FUT8: variants seen among roughly 807,000 people sequenced by gnomAD.
FUT8 encodes the protein fucosyltransferase 8, also known as alpha-(1,6)-fucosyltransferase.
In FUT8, 29 loss-of-function variants were observed where a neutral mutation model predicts 71.3. The ratio of observed to expected loss-of-function variants is 0.41; its 90% CI spans 0.30 to 0.55. FUT8 has a LOEUF of 0.55. FUT8 is among the 20% of genes least tolerant of loss of function. The probability of loss-of-function intolerance (pLI) is 0.34; values close to 1 mark genes in which losing one functional copy is unlikely to be tolerated. For missense variants in FUT8, 544 were observed against 702.1 expected, an observed-to-expected ratio of 0.77 and a Z score of 2.55; for synonymous variants, 254 against 239.3, an observed-to-expected ratio of 1.06 and a Z score of -0.57.
At chr14:65,579,557 T>C (rs528783299) in intron 3 of FUT8, among the ~76,000 whole-genome samples, 1 of 152,292 alleles carries the variant, frequency 6.6e-6, no homozygotes, top group East Asian at 1.9e-4. Context: ...GATTAGGTAA[T>C]TGCTGTATTT....
intron 2 of FUT8, among the ~76,000 whole-genome samples, chr14:65,510,467 C>G (rs1229641009): frequency 6.6e-6 from 1 of 152,042 alleles, no homozygotes; most frequent in Non-Finnish European, 1.5e-5. Context: ...AGTATTCCCC[C>G]TCCTCTATTT....
At chr14:65,437,577 T>G (rs2065580983) in intron 1 of FUT8, among the ~76,000 whole-genome samples, 1 of 152,228 alleles carries the variant, frequency 6.6e-6, no homozygotes, top group Admixed American at 6.5e-5. Flanking sequence ...GAAATGCAAT[T>G]TACTGTTTTG....
At chr14:65,649,848 C>T (rs752599933) in intron 6 of FUT8, among the ~76,000 whole-genome samples, 2 of 152,028 alleles carry the variant, frequency 1.3e-5, no homozygotes, top group South Asian at 4.1e-4. Context: ...TATTAGTTTG[C>T]CAATAAATGA....
intron 7 of FUT8, among the ~76,000 whole-genome samples, chr14:65,696,960 C>T (rs118156256): frequency 0.011 from 1,668 of 152,128 alleles, 14 homozygotes; most frequent in Non-Finnish European, 0.018. Context: ...TGCATGTTGT[C>T]CATTTGTTTA....
intron 7 of FUT8, among the ~76,000 whole-genome samples, chr14:65,694,934 C>T (rs896746958): frequency 3.8e-4 from 58 of 151,358 alleles, no homozygotes; most frequent in African/African-American, 1.3e-3. Context: ...AGGAGATATA[C>T]CTAATGCTAA....
At chr14:65,561,886 A>G (rs1885933885) in intron 3 of FUT8, 120 bp downstream of exon 3, 2 of 774,044 alleles carry the variant, frequency 2.6e-6, no homozygotes, top group African/African-American at 3.5e-5. Flanking sequence ...CTTTGCCACA[A>G]CTTAGCATGA....
chr14:65,743,372 G>A lies in FUT8; in HGVS notation c.*962G>A, dbSNP rs1330213452. 1 of 151,756 alleles carries A rather than the reference G, an allele frequency of 6.6e-6. No homozygotes were observed. Among genetic ancestry groups the A allele is most frequent in the African/African-American group, 2.4e-5 (1 of 41,354 alleles). 9.4% of individuals were successfully genotyped at this position (151,756 alleles called of 1,614,324 possible). ...ACAAAATTGCTAAGAACACTGTTTGGGAGCTTTCATTCTCATATTTTGGAC... is the reference window on the plus strand; with the variant it reads ...ACAAAATTGCTAAGAACACTGTTTGAGAGCTTTCATTCTCATATTTTGGAC... On this transcript the variant is annotated 3_prime_UTR_variant, in exon 11 of 11. Coordinates refer to ENST00000673929, the MANE Select transcript of FUT8 (RefSeq NM_001371533.1).
rs1052159437 is a variant in FUT8, at chr14:65,714,306, G to A, written c.836-7469G>A. Among the ~76,000 whole-genome samples, 3 of 152,054 alleles carry A rather than the reference G, an allele frequency of 2.0e-5. No homozygotes were observed. In the South Asian group the frequency reaches 6.2e-4, roughly 32 times the overall value. On this transcript the variant is annotated intron_variant, in intron 7 of 10. Transcript: ENST00000673929. ...TTTATGCTAGTGCCATGCTGTTTTG[G>A]TTACTGTAGCTCCATAGTATAATTT... is the stretch of plus-strand genomic sequence containing the variant.
chr14:65,485,163 T>C (rs151091344), intron 2 of FUT8, among the ~76,000 whole-genome samples: 2,259 of 151,196 alleles, frequency 0.015, 18 homozygotes, highest in South Asian at 0.024. Flanking sequence ...ATAGTAATAC[T>C]TCGTCTCTAT....
At chr14:65,400,512 A>G in the FUT8 span, among the ~76,000 whole-genome samples, 2 of 152,128 alleles carry the variant, frequency 1.3e-5, no homozygotes, top group African/African-American at 4.8e-5. Flanking sequence ...TTCTGTTGCC[A>G]TTATTTATAT....
chr14:65,357,010 G>T, the FUT8 span, among the ~76,000 whole-genome samples: 1 of 152,170 alleles, frequency 6.6e-6, no homozygotes, highest in South Asian at 2.1e-4. Flanking sequence ...AACCAGAAGG[G>T]AGCTTCTGGG....
At chr14:65,449,738 C>T (rs1451403549) in intron 1 of FUT8, among the ~76,000 whole-genome samples, 8 of 152,202 alleles carry the variant, frequency 5.3e-5, no homozygotes, top group Non-Finnish European at 7.3e-5. Context: ...TCTAGGCTGT[C>T]GCCACCCCTG....
At chr14:65,647,376 G>A (rs928576033) in intron 6 of FUT8, among the ~76,000 whole-genome samples, 2 of 152,154 alleles carry the variant, frequency 1.3e-5, no homozygotes, top group African/African-American at 4.8e-5. Context: ...CTCTTATGAT[G>A]CAGGTGTTGT....
At chr14:65,644,862 T>A (rs1793705626) in intron 6 of FUT8, among the ~76,000 whole-genome samples, 1 of 152,220 alleles carries the variant, frequency 6.6e-6, no homozygotes, top group African/African-American at 2.4e-5. Flanking sequence ...TGAACAAAGC[T>A]TATCTGACAT....
At chr14:65,390,409 G>A in the FUT8 span, among the ~76,000 whole-genome samples, 4 of 151,542 alleles carry the variant, frequency 2.6e-5, no homozygotes, top group Non-Finnish European at 5.9e-5. Flanking sequence ...TTCAGGGAAG[G>A]GGGACTAGGG....
Position 65,470,734 on chromosome 14 carries a change from C to A in FUT8, c.-228+15016C>A, listed in dbSNP as rs1889730. Among the ~76,000 whole-genome samples, 351 of 152,190 alleles carry A rather than the reference C, an allele frequency of 2.3e-3. 7 individuals carry two copies. In the East Asian group the frequency reaches 0.063, roughly 28 times the overall value. On this transcript the variant is annotated intron_variant, in intron 2 of 10. Coordinates refer to ENST00000673929, the MANE Select transcript of FUT8 (RefSeq NM_001371533.1). The stretch of plus-strand genomic sequence containing the variant: ...CCTCCTGAGGCCCAGGAACCTGGCA[C>A]CCTCAGTGGGGTGGGCGCAGTGGCT...
At chr14:65,591,947 T>C (rs996594565) in intron 3 of FUT8, among the ~76,000 whole-genome samples, 3 of 151,906 alleles carry the variant, frequency 2.0e-5, no homozygotes, top group African/African-American at 7.3e-5. Flanking sequence ...TTGCATGAGT[T>C]GGTTGTAACT....
chr14:65,419,751 G>A (rs1009243116), intron 1 of FUT8, among the ~76,000 whole-genome samples: 1 of 152,136 alleles, frequency 6.6e-6, no homozygotes, highest in Non-Finnish European at 1.5e-5. Context: ...TGAAACTCTA[G>A]GGGTTAGGCA....
rs565766291 is a variant in FUT8 at position 65,678,259 on chromosome 14, C to T, written c.835+8779C>T. ...AATGAAACTCAGAGCTACTTGATGG[C>T]TTTTTGTGTAGCCATCCTCCCAAAG... is the stretch of plus-strand genomic sequence containing the variant. On this transcript the variant is annotated intron_variant, in intron 7 of 10. Coordinates refer to ENST00000673929, the MANE Select transcript of FUT8 (RefSeq NM_001371533.1). Among the ~76,000 whole-genome samples the T allele has an allele frequency of 3.5e-3, 529 of 152,320 alleles. 2 individuals are homozygous for T. The highest frequency in any genetic ancestry group is 0.012 in the African/African-American group (502 of 41,570).
Sources: gnomAD v4.1 joint callset for allele counts (sites outside exome capture counted in the v4.1 genomes callset) on GRCh38, gnomAD v4.1.1 for gene constraint, MANE v1.5 for transcripts, NCBI Gene and HGNC (gene_info 2026-07-23, HGNC 2026-07-21) for gene names.